Variants in SLC12A7 observed in about 807,000 individuals in gnomAD.
SLC12A7 encodes the protein solute carrier family 12 member 7, also known as K-Cl cotransporter 4.
SLC12A7 carries 100 observed loss-of-function variants against 120.6 expected under a neutral mutation model. That is an observed-to-expected ratio of 0.83 (90% CI 0.71 to 0.98). The LOEUF is 0.98. Ranked by LOEUF, SLC12A7 falls within the 50% of genes least tolerant of loss-of-function variation. The pLI, the probability that SLC12A7 is intolerant of heterozygous loss-of-function variation, is 0.00. For missense variants in SLC12A7, 1,373 were observed against 1,548.1 expected (o/e 0.89, Z 1.90); for synonymous variants, 760 against 678.0 (o/e 1.12, Z -1.88).
At chr5:1,120,932 C>T in the SLC12A7 span, among the ~76,000 whole-genome samples, 4 of 152,232 alleles carry the variant, frequency 2.6e-5, no homozygotes, top group South Asian at 2.1e-4. Flanking sequence ...TGGGCCTGCC[C>T]GAGCTCGGAG....
At chr5:1,151,700 G>A in the SLC12A7 span, among the ~76,000 whole-genome samples, 2 of 152,038 alleles carry the variant, frequency 1.3e-5, no homozygotes, top group East Asian at 1.9e-4. This position sits in a 1 kb window ranked among gnomAD's most constrained non-coding sequence, Gnocchi z 6.2. Context: ...AGTGCAGCCC[G>A]GGAGGCGGGG....
At chr5:1,084,816 C>T (rs1457620334) in intron 7 of SLC12A7, among the ~76,000 whole-genome samples, 3 of 152,124 alleles carry the variant, frequency 2.0e-5, no homozygotes, top group East Asian at 1.9e-4. Context: ...GACCCTGGGC[C>T]GCCTCCCAGC....
Position 1,075,883 on chromosome 5 carries a change from G to A in SLC12A7, c.1847+255C>T, listed in dbSNP as rs1241204821. ...TGACCACGGGAGGTACAAGGCACAT[G>A]CAGACACCTGGGCATCCTCGTAACC... On this transcript the variant is annotated intron_variant, in intron 14 of 23. Coordinates refer to ENST00000264930, the MANE Select transcript of SLC12A7 (RefSeq NM_006598.3). 3 of 529,878 alleles carry A rather than the reference G, an allele frequency of 5.7e-6. No homozygotes were observed. The East Asian group carries it at 9.0e-5, about 16-fold the overall frequency. The allele number at this position is 529,878 out of a possible 1,614,324, so 32.8% of individuals were successfully genotyped here. A position where few individuals can be genotyped will look rare whatever the true frequency, so the allele number is the denominator to read the frequency against.
chr5:1,133,580 A>G, the SLC12A7 span, among the ~76,000 whole-genome samples: 14 of 152,100 alleles, frequency 9.2e-5, no homozygotes, highest in Non-Finnish European at 2.1e-4. Context: ...ACAATCCCAA[A>G]TACTGGTAGG....
At chr5:1,068,971 C>T (rs556722318) in intron 17 of SLC12A7, among the ~76,000 whole-genome samples, 2 of 152,366 alleles carry the variant, frequency 1.3e-5, no homozygotes, top group Admixed American at 1.3e-4. Flanking sequence ...GGGATTCCTC[C>T]TAAGAGCATT....
At chr5:1,065,590 G>A (rs998252773) in intron 17 of SLC12A7, 112 bp from the exon 18 acceptor site, 12 of 848,494 alleles carry the variant, frequency 1.4e-5, no homozygotes, top group Non-Finnish European at 1.8e-5. Flanking sequence ...GACCCAGCAG[G>A]AGGGAAGGCC....
At chr5:1,139,651 G>A in the SLC12A7 span, among the ~76,000 whole-genome samples, 18 of 152,354 alleles carry the variant, frequency 1.2e-4, no homozygotes, top group South Asian at 6.2e-4. Flanking sequence ...GTAGGCGTCC[G>A]CACAGCCTGC....
At chr5:1,091,766 C>T (rs912924299) in intron 3 of SLC12A7, among the ~76,000 whole-genome samples, 5 of 151,560 alleles carry the variant, frequency 3.3e-5, no homozygotes, top group Non-Finnish European at 4.4e-5. Flanking sequence ...GCAGCGTCCA[C>T]GTGCAGAAAG....
At chr5:1,088,865 C>T (rs1372717293) in intron 4 of SLC12A7, 117 bp downstream of exon 4, 14 of 1,366,554 alleles carry the variant, frequency 1.0e-5, no homozygotes, top group Non-Finnish European at 4.1e-6. Flanking sequence ...TACTGTCCGG[C>T]TGCCACCGCC....
the SLC12A7 span, among the ~76,000 whole-genome samples, chr5:1,155,607 G>C: frequency 6.6e-6 from 1 of 151,346 alleles, no homozygotes; most frequent in African/African-American, 2.4e-5. Flanking sequence ...CCCCACCCCC[G>C]CCGGCCCGCC....
At chr5:1,148,427 T>G in the SLC12A7 span, among the ~76,000 whole-genome samples, 6 of 152,110 alleles carry the variant, frequency 3.9e-5, no homozygotes, top group East Asian at 1.9e-4. Context: ...GGATGGTCTC[T>G]ATCTCCTGAC....
chr5:1,083,162 G>T (rs1739405468), intron 8 of SLC12A7, among the ~76,000 whole-genome samples: 1 of 150,216 alleles, frequency 6.7e-6, no homozygotes, highest in Non-Finnish European at 1.5e-5. Flanking sequence ...TCCCGTCTCG[G>T]GTTCTGGAAA....
At chr5:1,077,360 G>C (rs553284618) in intron 12 of SLC12A7, among the ~76,000 whole-genome samples, 1 of 152,328 alleles carries the variant, frequency 6.6e-6, no homozygotes, top group Admixed American at 6.5e-5. Flanking sequence ...CAGGTAGCAG[G>C]AGGAGCCACA....
the SLC12A7 span, among the ~76,000 whole-genome samples, chr5:1,151,845 T>G: frequency 6.6e-6 from 1 of 152,260 alleles, no homozygotes; most frequent in East Asian, 1.9e-4. The surrounding 1 kb of genome is among the most constrained non-coding windows in gnomAD (Gnocchi z 6.2). Context: ...GCTGGGAACC[T>G]ACCTTTCCTC....
chr5:1,088,910 A>G (rs1740185633), intron 4 of SLC12A7, 72 bp downstream of exon 4: 70 of 1,584,724 alleles, frequency 4.4e-5, no homozygotes, highest in Non-Finnish European at 6.0e-5. Flanking sequence ...GGGAGACGGC[A>G]TCTGGGGAGA....
intron 8 of SLC12A7, among the ~76,000 whole-genome samples, chr5:1,083,145 C>T (rs1416908480): frequency 1.8e-5 from 1 of 56,734 alleles, no homozygotes; most frequent in African/African-American, 4.0e-5. Context: ...TCTGGGAAGT[C>T]CAGGCTTCCC....
At chr5:1,154,825 G>T in the SLC12A7 span, among the ~76,000 whole-genome samples, 1 of 152,206 alleles carries the variant, frequency 6.6e-6, no homozygotes, top group Non-Finnish European at 1.5e-5. Flanking sequence ...CGCAGTAACC[G>T]CAGGTCTTCA....
intron 11 of SLC12A7, 37 bp from the exon 12 acceptor site, chr5:1,078,044 G>A (rs1046849091): frequency 2.0e-6 from 3 of 1,532,228 alleles, no homozygotes; most frequent in South Asian, 2.4e-5. Flanking sequence ...GCGGCTTTCA[G>A]AAGTGAGCCT....
At chr5:1,147,257 C>T in the SLC12A7 span, among the ~76,000 whole-genome samples, 2 of 140,458 alleles carry the variant, frequency 1.4e-5, no homozygotes, top group African/African-American at 5.2e-5. Flanking sequence ...GCCACCCCCC[C>T]CGCCCCCGCC....
Sources: allele counts gnomAD v4.1 joint callset (sites outside exome capture counted in the v4.1 genomes callset), GRCh38; gene constraint gnomAD v4.1.1; non-coding constraint Gnocchi (gnomAD v3.1); transcripts MANE v1.5; gene names NCBI Gene and HGNC (gene_info 2026-07-23, HGNC 2026-07-21).